CHD8: variants seen among roughly 807,000 people sequenced by gnomAD.
CHD8 encodes the protein ATP-dependent chromatin remodeler CHD8.
Under a neutral mutation model 279.2 loss-of-function variants are expected in CHD8, and 31 were observed. The observed-to-expected ratio is 0.11, with a 90% CI of 0.08 to 0.15. CHD8 has a LOEUF of 0.15. CHD8 is among the 10% of genes least tolerant of loss of function. CHD8 has a pLI of 1.00. For synonymous variants in CHD8, 1,081 were observed against 1,139.6 expected (o/e 0.95, Z 1.04); for missense variants, 2,146 against 3,230.5 (o/e 0.66, Z 8.14).
rs563339561 is a variant in CHD8, at chr14:21,385,684, T to C, written c.7675A>G (p.Arg2559Gly). The C allele has an allele frequency of 2.3e-5, 36 of 1,551,868 alleles. No individual in the cohort carries two copies. The highest frequency in any genetic ancestry group is 2.7e-5 in the Non-Finnish European group (31 of 1,147,062). ...DLSQGYDSSERDFSLIDDPMM... is the reference protein window; with the variant it reads ...DLSQGYDSSEGDFSLIDDPMM... ...GGATCATCAATGAGTGAGAAGTCCC[T>C]TTCTGAGCTATCATAGCCCTGAGAT... is the stretch of plus-strand genomic sequence containing the variant. Residue 2559 changes from arginine (R) to glycine (G), a missense_variant, in exon 38 of 38, where the codon AGG becomes GGG. By Grantham distance (125) the Arg-to-Gly change is moderately radical (BLOSUM62 -2). Around this residue, in one of 26 missense-constraint regions of CHD8, gnomAD observed 336 missense variants for 392.9 expected, o/e 0.86. Transcript: ENST00000646647.
At position 21,429,041 on chromosome 14, in the gene CHD8, G is replaced by T; in HGVS notation, c.1138C>A (p.Gln380Lys). 6.2e-7 allele frequency: 1 copy of T among 1,614,012 alleles called. No homozygotes were observed. Among genetic ancestry groups the T allele is most frequent in the Non-Finnish European group, 8.5e-7 (1 of 1,179,866 alleles). ...TQPVTLSSVQ[Q>K]AQIMGPGQSP... Reference sequence around the variant, plus strand: ...TGTCCTGGTCCCATTATCTGAGCCTGCTGTACAGAGGACAGAGTCACTGGC... The same window carrying T: ...TGTCCTGGTCCCATTATCTGAGCCTTCTGTACAGAGGACAGAGTCACTGGC... The change falls in exon 3 of 38, where the codon CAG (glutamine) becomes AAG (lysine). Residue 380 changes from glutamine (Q) to lysine (K), a missense_variant. Gln to Lys is a moderately conservative substitution (Grantham distance 53). Around this residue, in one of 26 missense-constraint regions of CHD8, gnomAD observed 170 missense variants for 189.9 expected, o/e 0.90. Transcript: ENST00000646647.
At chr14:21,419,317 G>C (rs184197991) in intron 5 of CHD8, among the ~76,000 whole-genome samples, 2 of 152,164 alleles carry the variant, frequency 1.3e-5, no homozygotes, top group Non-Finnish European at 2.9e-5. Context: ...CTAGCGCTTC[G>C]GGAGGCCGAG....
intron 37 of CHD8, among the ~76,000 whole-genome samples, chr14:21,387,417 G>A (rs1887302992): frequency 6.6e-6 from 1 of 152,094 alleles, no homozygotes. Flanking sequence ...CGGATCACCT[G>A]AGGTTGGGAG....
intron 5 of CHD8, among the ~76,000 whole-genome samples, chr14:21,425,025 C>A (rs1215095814): frequency 1.3e-5 from 2 of 152,114 alleles, no homozygotes; most frequent in African/African-American, 4.8e-5. Flanking sequence ...AAACTAGAGC[C>A]AAAGATGGTA....
chr14:21,444,342 T>TA (rs2139566709), intron 1 of CHD8, among the ~76,000 whole-genome samples: 1 of 152,326 alleles, frequency 6.6e-6, no homozygotes, highest in South Asian at 2.1e-4. Flanking sequence ...CTACCCAGAT[T>TA]AATGGCCTCC....
chr14:21,405,778 T>C lies in CHD8; in HGVS notation c.2994A>G (p.Gln998=), dbSNP rs761518224. The change falls in exon 15 of 38, where the codon CAA becomes CAG. Residue 998 remains glutamine, a synonymous_variant. Coordinates refer to ENST00000646647, the MANE Select transcript of CHD8 (RefSeq NM_001170629.2). This position sits in a 1 kb window ranked among gnomAD's most constrained non-coding sequence, Gnocchi z 4.2. ...TGAGAAACTCTGATTCTGAGGGAAA[T>C]TGTGACGGTTCCAAGAAATGAAGCA... ...FSLLHFLEPS[Q]FPSESEFLKD... is the part of the protein sequence containing the mutation. The C allele has an allele frequency of 5.0e-6, 8 of 1,613,806 alleles. No individual in the cohort carries two copies. The African/African-American group carries it at 5.3e-5, about 11-fold the overall frequency.
intron 6 of CHD8, 33 bp downstream of exon 6, chr14:21,415,692 A>G: frequency 6.2e-7 from 1 of 1,612,804 alleles, no homozygotes; most frequent in African/African-American, 1.3e-5. Context: ...CCAGCAAGGC[A>G]ATCCTCTGAA....
At chr14:21,426,063 G>T (rs1889302227) in intron 5 of CHD8, 65 bp downstream of exon 5, 3 of 940,318 alleles carry the variant, frequency 3.2e-6, no homozygotes, top group Non-Finnish European at 3.4e-6. Flanking sequence ...CTCAATATCT[G>T]CTTGGCTTGG....
At position 21,385,681 on chromosome 14, in the gene CHD8, C is replaced by A; in HGVS notation, c.7678G>T (p.Asp2560Tyr). 6.4e-7 allele frequency: 1 copy of A among 1,551,924 alleles called. No individual in the cohort carries two copies. Residue 2560 changes from aspartate to tyrosine, a missense_variant, in exon 38 of 38, where the codon GAC becomes TAC. Physicochemically the swap from Asp to Tyr is radical, Grantham distance 160. Transcript: ENST00000646647. ...LSQGYDSSERDFSLIDDPMMP... is the reference protein window; with the variant it reads ...LSQGYDSSERYFSLIDDPMMP... Reference sequence around the variant, plus strand: ...ATAGGATCATCAATGAGTGAGAAGTCCCTTTCTGAGCTATCATAGCCCTGA... The same window carrying A: ...ATAGGATCATCAATGAGTGAGAAGTACCTTTCTGAGCTATCATAGCCCTGA...
chr14:21,390,889 G>T, intron 37 of CHD8, 58 bp downstream of exon 37: 1 of 824,348 alleles, frequency 1.2e-6, no homozygotes, highest in South Asian at 1.5e-5. Context: ...ATCATTGAAA[G>T]ACTTGTAATC....
At chr14:21,433,493 G>GAA (rs767200631) in intron 1 of CHD8, among the ~76,000 whole-genome samples, 1 of 152,184 alleles carries the variant, frequency 6.6e-6, no homozygotes, top group Non-Finnish European at 1.5e-5. Context: ...CACCAGATAA[G>GAA]AAATTTGTCA....
Position 21,393,736 on chromosome 14 carries a change from T to C in CHD8, c.6059A>G (p.Glu2020Gly). Residue 2020 changes from glutamate (E) to glycine (G), a missense_variant, in exon 32 of 38, where the codon GAG becomes GGG. Around this residue, in one of 26 missense-constraint regions of CHD8, gnomAD observed 513 missense variants for 637.6 expected, o/e 0.80. Coordinates refer to ENST00000646647, the MANE Select transcript of CHD8 (RefSeq NM_001170629.2). ...EETATQVPSL[E>G]SLTLKLEHEV... is the part of the protein sequence containing the mutation. Reference sequence around the variant, plus strand: ...GTGCTCTAGCTTTAAAGTCAGACTCTCCAGACTGGGGACCTGGGTAGCTGT... The same window carrying C: ...GTGCTCTAGCTTTAAAGTCAGACTCCCCAGACTGGGGACCTGGGTAGCTGT... 1 of 1,613,894 alleles carries C rather than the reference T, an allele frequency of 6.2e-7. No homozygotes were observed. Among genetic ancestry groups the C allele is most frequent in the South Asian group, 1.1e-5 (1 of 91,070 alleles).
intron 5 of CHD8, among the ~76,000 whole-genome samples, chr14:21,420,792 C>T (rs1255889551): frequency 2.3e-4 from 35 of 149,010 alleles, no homozygotes; most frequent in African/African-American, 7.9e-4. Flanking sequence ...AACGGAGTTT[C>T]GCTCTTGTTG....
chr14:21,435,828 G>A (rs1478490306), intron 1 of CHD8, among the ~76,000 whole-genome samples: 1 of 152,180 alleles, frequency 6.6e-6, no homozygotes, highest in Non-Finnish European at 1.5e-5. Flanking sequence ...TAAAAGACAC[G>A]TGAGGAGTAG....
At chr14:21,440,194 TTC>T (rs1566452932) in intron 1 of CHD8, among the ~76,000 whole-genome samples, 1 of 152,070 alleles carries the variant, frequency 6.6e-6, no homozygotes. Flanking sequence ...ATAAAGTAGT[TTC>T]TCTTTTTTGT....
intron 5 of CHD8, chr14:21,419,813 A>G (rs746168510): frequency 1.4e-4 from 51 of 375,602 alleles, no homozygotes; most frequent in Non-Finnish European, 2.4e-4. Context: ...TGACCAAAAC[A>G]TCCCCGAGGG....
Position 21,431,212 on chromosome 14 carries a change from G to A in CHD8, c.432C>T (p.Ser144=). The stretch of plus-strand genomic sequence containing the variant: ...GTGGCTGCCCTCCAGCACTACTGGA[G>A]GAGACAGCTGTGGCAGAGACACCCA... The part of the protein sequence containing the change: ...PFMGVSATAV[S]SSSAGGQPPQ... Residue 144 remains serine (S), a synonymous_variant, in exon 2 of 38, where the codon TCC becomes TCT. Transcript: ENST00000646647. 1 of 1,599,162 alleles carries A rather than the reference G, an allele frequency of 6.3e-7. No homozygotes were observed. The highest frequency in any genetic ancestry group is 8.5e-7 in the Non-Finnish European group (1 of 1,179,646).
intron 1 of CHD8, among the ~76,000 whole-genome samples, chr14:21,442,685 G>A (rs868507297): frequency 3.5e-4 from 31 of 87,634 alleles, no homozygotes; most frequent in African/African-American, 1.5e-3. Flanking sequence ...AGAGGAGAGG[G>A]GAGGGGAGGG....
At chr14:21,415,180 C>T (rs890795250) in intron 7 of CHD8, 187 bp from the exon 8 acceptor site, 1 of 556,134 alleles carries the variant, frequency 1.8e-6, no homozygotes. Context: ...AAGCCTTTAT[C>T]CACTCTAAAC....
Sources: allele counts gnomAD v4.1 joint callset (sites outside exome capture counted in the v4.1 genomes callset), GRCh38; gene constraint gnomAD v4.1.1; regional missense constraint gnomAD v4.1.1; non-coding constraint Gnocchi (gnomAD v3.1); transcripts MANE v1.5; gene names NCBI Gene and HGNC (gene_info 2026-07-23, HGNC 2026-07-21).